The following MFSD6 variants were observed in gnomAD, a reference collection of about 807,000 sequenced individuals.
MFSD6 encodes major facilitator superfamily domain-containing protein 6.
Under a neutral mutation model 56.3 loss-of-function variants are expected in MFSD6, and 26 were observed. The observed-to-expected ratio is 0.46, with a 90% CI of 0.34 to 0.64. The LOEUF (loss-of-function observed/expected upper bound fraction) is 0.64, where lower values mean the gene tolerates loss of function less well. Among genes scored for constraint, MFSD6 ranks in the 30% least tolerant of loss-of-function variants. The probability of loss-of-function intolerance (pLI) is 0.01; values close to 1 mark genes in which losing one functional copy is unlikely to be tolerated. For synonymous variants in MFSD6, 331 were observed against 366.9 expected (o/e 0.90, Z 1.12); for missense variants, 750 against 986.2 (o/e 0.76, Z 3.21).
intron 3 of MFSD6, among the ~76,000 whole-genome samples, chr2:190,449,698 G>A (rs1686706188): frequency 1.3e-5 from 2 of 152,078 alleles, no homozygotes; most frequent in South Asian, 4.1e-4. Flanking sequence ...AAAATGATGA[G>A]TTCATGTCCT....
At chr2:190,411,332 A>AT (rs917860329) in intron 1 of MFSD6, 2 of 445,632 alleles carry the variant, frequency 4.5e-6, no homozygotes, top group Non-Finnish European at 5.9e-6. Flanking sequence ...GCTAATTTTT[A>AT]TTTTTTTAGT....
Position 190,497,851 on chromosome 2 carries a change from A to C in MFSD6, c.2172+132A>C, listed in dbSNP as rs1689793499. On this transcript the variant is annotated intron_variant, in intron 7 of 7. Coordinates refer to ENST00000392328, the MANE Select transcript of MFSD6 (RefSeq NM_017694.4). The surrounding 1 kb of genome is among the most constrained non-coding windows in gnomAD (Gnocchi z 5.2). ...TGGTGGGGGAAATAGACATGCAAAC[A>C]ATTTCAGTACTCTGTGAGCACTGAG... 9.4e-7 allele frequency: 1 copy of C among 1,065,052 alleles called. No individual in the cohort carries two copies. The highest frequency in any genetic ancestry group is 1.6e-5 in the African/African-American group (1 of 62,738). 66.0% of individuals were successfully genotyped at this position (1,065,052 alleles called of 1,614,324 possible).
At chr2:190,486,699 C>G (rs1689028962) in intron 4 of MFSD6, among the ~76,000 whole-genome samples, 1 of 152,138 alleles carries the variant, frequency 6.6e-6, no homozygotes, top group African/African-American at 2.4e-5. Context: ...AGACTACTGT[C>G]AGATCAAATT....
rs1689177133 is a variant in MFSD6 at position 190,489,052 on chromosome 2, T to A, written c.1792+234T>A. 6.6e-6 allele frequency among the ~76,000 whole-genome samples: 1 copy of A among 152,218 alleles called. No homozygotes were observed. ...CACACTCCTCTGACAATCAGCTTAATGAGATGCTACAGAGATCCCTCAAAG... is the reference window on the plus strand; with the variant it reads ...CACACTCCTCTGACAATCAGCTTAAAGAGATGCTACAGAGATCCCTCAAAG... On this transcript the variant is annotated intron_variant, in intron 5 of 7. Transcript: ENST00000392328. The surrounding 1 kb of genome is among the most constrained non-coding windows in gnomAD (Gnocchi z 6.6).
At chr2:190,411,785 G>C (rs1690575581) in intron 1 of MFSD6, 2 of 985,234 alleles carry the variant, frequency 2.0e-6, no homozygotes, top group African/African-American at 3.5e-5. Flanking sequence ...TTTTCTAATA[G>C]TAACTGTAGC....
Position 190,436,236 on chromosome 2 carries a change from A to C in MFSD6, c.207A>C (p.Leu69=). The C allele has an allele frequency of 6.2e-7, 1 of 1,614,088 alleles. No individual in the cohort carries two copies. Among genetic ancestry groups the C allele is most frequent in the Non-Finnish European group, 8.5e-7 (1 of 1,179,986 alleles). ...GTGTTAAGATAAACAACGATCTTCT[A>C]ATTTCCAAGGTCTTTTATTTTTTCT... The part of the protein sequence containing the change: ...KHCVKINNDL[L]ISKVFYFFFY... The change falls in exon 3 of 8, where the codon CTA becomes CTC. Residue 69 remains leucine, a synonymous_variant. Coordinates refer to ENST00000392328, the MANE Select transcript of MFSD6 (RefSeq NM_017694.4). The surrounding 1 kb of genome is among the most constrained non-coding windows in gnomAD (Gnocchi z 5.3).
intron 4 of MFSD6, among the ~76,000 whole-genome samples, chr2:190,482,918 T>C (rs1319254243): frequency 2.4e-5 from 3 of 124,414 alleles, no homozygotes; most frequent in Non-Finnish European, 3.3e-5. Context: ...GGAGTCTCAC[T>C]CTGTCGCCCA....
rs891373606 is a variant in MFSD6 at position 190,492,122 on chromosome 2, A to G, written c.1891+2256A>G. Among the ~76,000 whole-genome samples the G allele has an allele frequency of 2.6e-5, 4 of 152,208 alleles. No individual in the cohort carries two copies. Among genetic ancestry groups the G allele is most frequent in the African/African-American group, 7.2e-5 (3 of 41,466 alleles). On this transcript the variant is annotated intron_variant, in intron 6 of 7. Transcript: ENST00000392328. The surrounding 1 kb of genome is among the most constrained non-coding windows in gnomAD (Gnocchi z 5.2). ...ACGAAGACAAAGAAAAAAGAATTTTAAAAAATGAACAAAGCCTCCAAGAAG... is the reference window on the plus strand; with the variant it reads ...ACGAAGACAAAGAAAAAAGAATTTTGAAAAATGAACAAAGCCTCCAAGAAG...
Position 190,412,724 on chromosome 2 carries a change from G to A in MFSD6, c.-175-2568G>A. ...CTCTACTGGCATTTTGGGGGTGAGA[G>A]GGGCTTGTGTCAGCCTGATTTGTTT... On this transcript the variant is annotated intron_variant, in intron 1 of 7. Coordinates refer to ENST00000392328, the MANE Select transcript of MFSD6 (RefSeq NM_017694.4). This position sits in a 1 kb window ranked among gnomAD's most constrained non-coding sequence, Gnocchi z 4.1. 3.3e-6 allele frequency: 2 copies of A among 611,386 alleles called. No homozygotes were observed. Among genetic ancestry groups the A allele is most frequent in the African/African-American group, 2.0e-5 (1 of 49,838 alleles). The allele number at this position is 611,386 out of a possible 1,614,324, so 37.9% of individuals were successfully genotyped here.
At chr2:190,448,142 AC>A (rs1429209333) in intron 3 of MFSD6, among the ~76,000 whole-genome samples, 2 of 152,172 alleles carry the variant, frequency 1.3e-5, no homozygotes, top group Admixed American at 6.5e-5. Context: ...TTAGACTGCC[AC>A]CCTCTAACAG....
chr2:190,493,287 G>T, intron 6 of MFSD6, among the ~76,000 whole-genome samples: 1 of 152,034 alleles, frequency 6.6e-6, no homozygotes. Flanking sequence ...AAGACAAAGG[G>T]TGACATTATA....
Position 190,436,943 on chromosome 2 carries a change from C to G in MFSD6, c.914C>G (p.Ser305Cys). 6.2e-7 allele frequency: 1 copy of G among 1,614,226 alleles called. No homozygotes were observed. Among genetic ancestry groups the G allele is most frequent in the Non-Finnish European group, 8.5e-7 (1 of 1,180,040 alleles). The change falls in exon 3 of 8, where the codon TCT becomes TGT. Residue 305 changes from serine to cysteine, a missense_variant. Transcript: ENST00000392328. The surrounding 1 kb of genome is among the most constrained non-coding windows in gnomAD (Gnocchi z 5.3). ...ATAGGAGAATTTTTCAGTGCCTCTT[C>G]TGTCACAATCGTAGACACGGTCACA... ...VIIGEFFSAS[S>C]VTIVDTVTLQ...
rs1432643989 is a variant in MFSD6 at position 190,443,867 on chromosome 2, C to A, written c.1532+6306C>A. On this transcript the variant is annotated intron_variant, in intron 3 of 7. Coordinates refer to ENST00000392328, the MANE Select transcript of MFSD6 (RefSeq NM_017694.4). The surrounding 1 kb of genome is among the most constrained non-coding windows in gnomAD (Gnocchi z 4.2). ...CCCAGGAGTTCGAGATCAGCCTGGG[C>A]AACATGGTGAGACCTTGTCTCTACA... Among the ~76,000 whole-genome samples, 1 of 152,126 alleles carries A rather than the reference C, an allele frequency of 6.6e-6. No homozygotes were observed. The highest frequency in any genetic ancestry group is 1.5e-5 in the Non-Finnish European group (1 of 68,034).
At position 190,454,887 on chromosome 2, in the gene MFSD6, C is replaced by T. The variant is rs374653357; in HGVS notation, c.1533-14871C>T. Among the ~76,000 whole-genome samples, 17 of 151,338 alleles carry T rather than the reference C, an allele frequency of 1.1e-4. No homozygotes were observed. Among genetic ancestry groups the T allele is most frequent in the African/African-American group, 3.4e-4 (14 of 40,980 alleles). On this transcript the variant is annotated intron_variant, in intron 3 of 7. Coordinates refer to ENST00000392328, the MANE Select transcript of MFSD6 (RefSeq NM_017694.4). The surrounding 1 kb of genome is among the most constrained non-coding windows in gnomAD (Gnocchi z 4.6). Reference sequence around the variant, plus strand: ...ATGATGGTAGGAGTGAGTCCGGCAACGGCAAACTTGTATTTTTCTGTATGT... The same window carrying T: ...ATGATGGTAGGAGTGAGTCCGGCAATGGCAAACTTGTATTTTTCTGTATGT...
intron 1 of MFSD6, among the ~76,000 whole-genome samples, chr2:190,408,704 T>TCCCTCCCTCCCC: frequency 7.0e-6 from 1 of 143,780 alleles, no homozygotes; most frequent in East Asian, 2.3e-4. Context: ...GCTCCCTCCC[T>TCCCTCCCTCCCC]CCCTCCCTCC....
chr2:190,408,460 C>A lies in MFSD6; in HGVS notation c.-219C>A, dbSNP rs1690396757. The A allele has an allele frequency of 6.6e-6, 1 of 151,440 alleles. No homozygotes were observed. The highest frequency in any genetic ancestry group is 2.4e-5 in the African/African-American group (1 of 41,120). 9.4% of individuals were successfully genotyped at this position (151,440 alleles called of 1,614,324 possible). On this transcript the variant is annotated 5_prime_UTR_variant, in exon 1 of 8. Transcript: ENST00000392328. ...GCCGCCCCGTGCTCCGGGGACAGGG[C>A]TCCCCGCGCCCCGCGCAGCTGAGCG...
At chr2:190,460,407 G>A (rs999383634) in intron 3 of MFSD6, among the ~76,000 whole-genome samples, 2 of 151,912 alleles carry the variant, frequency 1.3e-5, no homozygotes, top group Admixed American at 6.6e-5. Context: ...ACATACACTC[G>A]CGTATGCACA....
In MFSD6 at chr2:190,458,820, C is replaced by T. The variant is rs1019515920; in HGVS notation, c.1533-10938C>T. 8.5e-5 allele frequency among the ~76,000 whole-genome samples: 13 copies of T among 152,178 alleles called. No individual in the cohort carries two copies. Among genetic ancestry groups the T allele is most frequent in the African/African-American group, 2.4e-4 (10 of 41,452 alleles). Reference sequence around the variant, plus strand: ...AGCTTTAACCAGGTCTCAGATGACGCGATCAGAACCTGCATCTCTCCCTCT... The same window carrying T: ...AGCTTTAACCAGGTCTCAGATGACGTGATCAGAACCTGCATCTCTCCCTCT... On this transcript the variant is annotated intron_variant, in intron 3 of 7. Transcript: ENST00000392328. The surrounding 1 kb of genome is among the most constrained non-coding windows in gnomAD (Gnocchi z 5.3).
At chr2:190,483,939 T>C (rs1213925484) in intron 4 of MFSD6, among the ~76,000 whole-genome samples, 1 of 152,144 alleles carries the variant, frequency 6.6e-6, no homozygotes, top group African/African-American at 2.4e-5. Flanking sequence ...AAGTAAAGTC[T>C]TGGCAGTAGG....
Sources: gnomAD v4.1 joint callset for allele counts (sites outside exome capture counted in the v4.1 genomes callset) on GRCh38, gnomAD v4.1.1 for gene constraint, Gnocchi (gnomAD v3.1) non-coding constraint, MANE v1.5 for transcripts, NCBI Gene and HGNC (gene_info 2026-07-23, HGNC 2026-07-21) for gene names.